SRGAP3: variants seen among roughly 807,000 people sequenced by gnomAD.
The protein encoded by SRGAP3 is SLIT-ROBO Rho GTPase-activating protein 3.
Under a neutral mutation model 121.1 loss-of-function variants are expected in SRGAP3, and 39 were observed. The ratio of observed to expected loss-of-function variants is 0.32; its 90% confidence interval spans 0.25 to 0.42. The LOEUF (loss-of-function observed/expected upper bound fraction) is 0.42. Among genes scored for constraint, SRGAP3 ranks in the 10% least tolerant of loss-of-function variants. The pLI is 1.00. For synonymous variants in SRGAP3, 601 were observed against 570.0 expected, an observed-to-expected ratio of 1.05 and a Z score of -0.77; for missense variants, 1,213 against 1,470.6, an observed-to-expected ratio of 0.82 and a Z score of 2.86.
intron 3 of SRGAP3, among the ~76,000 whole-genome samples, chr3:9,302,187 T>C (rs1159115177): frequency 6.6e-6 from 1 of 152,128 alleles, no homozygotes; most frequent in Non-Finnish European, 1.5e-5. Context: ...GGCCCACTGC[T>C]GGGTAAGGGG....
intron 21 of SRGAP3, among the ~76,000 whole-genome samples, chr3:8,986,867 G>A (rs529134637): frequency 6.6e-6 from 1 of 152,356 alleles, no homozygotes; most frequent in South Asian, 2.1e-4. Context: ...GACTCAGAGA[G>A]AGCGAGCCCC....
intron 3 of SRGAP3, among the ~76,000 whole-genome samples, chr3:9,303,921 G>A (rs982882154): frequency 6.6e-6 from 1 of 152,150 alleles, no homozygotes; most frequent in African/African-American, 2.4e-5. Flanking sequence ...AGGTGTTTGG[G>A]GTCCCCATGC....
At chr3:9,125,341 GA>G (rs575200214) in intron 1 of SRGAP3, among the ~76,000 whole-genome samples, 53 of 152,290 alleles carry the variant, frequency 3.5e-4, no homozygotes, top group Non-Finnish European at 6.0e-4. Flanking sequence ...ATAATTCAAT[GA>G]AAACAAAAGT....
chr3:9,241,337 G>C (rs1341720389), intron 1 of SRGAP3, among the ~76,000 whole-genome samples: 1 of 152,158 alleles, frequency 6.6e-6, no homozygotes, highest in African/African-American at 2.4e-5. Flanking sequence ...GGAGTTTCTG[G>C]AAAGGAAATG....
intron 2 of SRGAP3, among the ~76,000 whole-genome samples, chr3:9,122,102 G>A (rs1949027738): frequency 6.6e-6 from 1 of 152,160 alleles, no homozygotes; most frequent in Admixed American, 6.5e-5. Context: ...TCATCTTTAC[G>A]ATGGGGTAGT....
chr3:9,123,954 G>A (rs1466900938), intron 2 of SRGAP3, among the ~76,000 whole-genome samples: 1 of 151,964 alleles, frequency 6.6e-6, no homozygotes, highest in African/African-American at 2.4e-5. Flanking sequence ...CTGAAGGAGA[G>A]ACAGTGCTGG....
At chr3:9,316,172 C>T (rs1211051635) in intron 3 of SRGAP3, among the ~76,000 whole-genome samples, 1 of 152,026 alleles carries the variant, frequency 6.6e-6, no homozygotes, top group African/African-American at 2.4e-5. Context: ...CCTCAGCCAT[C>T]CAAGTTGCTG....
intron 1 of SRGAP3, among the ~76,000 whole-genome samples, chr3:9,203,151 A>G (rs918568019): frequency 3.9e-5 from 6 of 152,136 alleles, no homozygotes; most frequent in African/African-American, 1.2e-4. Flanking sequence ...TCTCATAAAG[A>G]CATTTTTGTC....
At chr3:9,057,909 G>C (rs2125180076) in intron 7 of SRGAP3, among the ~76,000 whole-genome samples, 1 of 152,340 alleles carries the variant, frequency 6.6e-6, no homozygotes, top group Non-Finnish European at 1.5e-5. Context: ...TGGCTGTGTT[G>C]AGGCTACAGT....
chr3:8,994,168 A>T, intron 19 of SRGAP3, 175 bp downstream of exon 19: 1 of 851,248 alleles, frequency 1.2e-6, no homozygotes, highest in Admixed American at 2.0e-5. Context: ...GATATCCGTT[A>T]AGTGGATCAC....
rs752204708 is a variant in SRGAP3 at position 9,200,085 on chromosome 3, T to G, written c.67+48800A>C. 2.6e-5 allele frequency among the ~76,000 whole-genome samples: 4 copies of G among 152,234 alleles called. No homozygotes were observed. The South Asian group carries it at 6.2e-4, about 24-fold the overall frequency. On this transcript the variant is annotated intron_variant, in intron 1 of 21. Transcript: ENST00000383836. The stretch of plus-strand genomic sequence containing the variant: ...GGAGAGGCTGACAATATGGTGGCTG[T>G]ATGCAAGGCATCGCCTGTGTGCTTG...
intron 3 of SRGAP3, among the ~76,000 whole-genome samples, chr3:9,087,617 G>C (rs1264349140): frequency 6.6e-6 from 1 of 152,196 alleles, no homozygotes; most frequent in South Asian, 2.1e-4. Context: ...TGGGGATGGT[G>C]AAAAGACTGG....
At chr3:9,143,587 TATAAGA>T (rs1949931426) in intron 1 of SRGAP3, among the ~76,000 whole-genome samples, 1 of 152,168 alleles carries the variant, frequency 6.6e-6, no homozygotes, top group African/African-American at 2.4e-5. Flanking sequence ...CAACAAGGAA[TATAAGA>T]GAGGCACAAA....
intron 20 of SRGAP3, among the ~76,000 whole-genome samples, chr3:8,991,139 T>C (rs1441252665): frequency 2.0e-5 from 3 of 152,324 alleles, no homozygotes; most frequent in East Asian, 1.9e-4. Flanking sequence ...AGTCAAGGCC[T>C]ACAGGATTCC....
At chr3:9,143,891 C>T (rs1387601911) in intron 1 of SRGAP3, among the ~76,000 whole-genome samples, 1 of 152,154 alleles carries the variant, frequency 6.6e-6, no homozygotes, top group Admixed American at 6.5e-5. Context: ...CCATCCCTCC[C>T]CATCACTGTG....
Position 8,980,809 on chromosome 3 carries a change from C to T in SRGAP3, c.*4710G>A, listed in dbSNP as rs1331106946. On this transcript the variant is annotated 3_prime_UTR_variant, in exon 22 of 22. Coordinates refer to ENST00000383836, the MANE Select transcript of SRGAP3 (RefSeq NM_014850.4). ...GGTGGTTTTGGTCTGTTTTTCCTGT[C>T]ACAATTTGGGGAGGAAGGAAACCAA... 2 of 232,884 alleles carry T rather than the reference C, an allele frequency of 8.6e-6. No homozygotes were observed. The highest frequency in any genetic ancestry group is 2.2e-5 in the African/African-American group (1 of 45,272). 14.4% of individuals were successfully genotyped at this position (232,884 alleles called of 1,614,324 possible). A position where few individuals can be genotyped will look rare whatever the true frequency, so the allele number is the denominator to read the frequency against.
At chr3:9,283,089 C>T (rs551305963) in intron 3 of SRGAP3, among the ~76,000 whole-genome samples, 8 of 152,078 alleles carry the variant, frequency 5.3e-5, no homozygotes, top group Admixed American at 1.3e-4. Flanking sequence ...TAGAGGCACC[C>T]GCCATTATAC....
chr3:9,075,261 G>A (rs1471596076), intron 4 of SRGAP3, among the ~76,000 whole-genome samples: 1 of 152,212 alleles, frequency 6.6e-6, no homozygotes, highest in Non-Finnish European at 1.5e-5. Flanking sequence ...AAAAGAAGTG[G>A]AGTGGGATAT....
chr3:9,058,024 G>A (rs946524427), intron 7 of SRGAP3, among the ~76,000 whole-genome samples: 1 of 152,204 alleles, frequency 6.6e-6, no homozygotes, highest in African/African-American at 2.4e-5. Context: ...AGCTGGGAGG[G>A]GTTATAAGGG....
Sources: allele counts gnomAD v4.1 joint callset (sites outside exome capture counted in the v4.1 genomes callset), GRCh38; gene constraint gnomAD v4.1.1; transcripts MANE v1.5; gene names NCBI Gene and HGNC (gene_info 2026-07-23, HGNC 2026-07-21).